The following LYPLAL1 variants were observed in gnomAD, a reference collection of about 807,000 sequenced individuals.
The protein encoded by LYPLAL1 is lysophospholipase like 1, also known as lysophospholipase-like protein 1.
LYPLAL1 carries 23 observed loss-of-function variants against 19.7 expected under a neutral mutation model. The observed-to-expected ratio is 1.17, with a 90% CI of 0.84 to 1.65. LYPLAL1 has a LOEUF of 1.65. Ranked by LOEUF, LYPLAL1 falls within the 40% of genes most tolerant of loss-of-function variation. The probability of loss-of-function intolerance (pLI) is 0.00; values close to 1 mark genes in which losing one functional copy is unlikely to be tolerated. For synonymous variants in LYPLAL1, 119 were observed against 96.3 expected (o/e 1.24, Z -1.38); for missense variants, 355 against 279.4 (o/e 1.27, Z -1.93).
At chr1:219,267,680 A>G in the LYPLAL1 span, among the ~76,000 whole-genome samples, 4 of 152,240 alleles carry the variant, frequency 2.6e-5, no homozygotes, top group South Asian at 8.3e-4. Context: ...CCCATTTTAC[A>G]GATGAGAAAA....
chr1:219,429,702 A>G, the LYPLAL1 span, among the ~76,000 whole-genome samples: 1 of 151,912 alleles, frequency 6.6e-6, no homozygotes, highest in Non-Finnish European at 1.5e-5. Flanking sequence ...TCCCAGGCCT[A>G]TTTTCCCATT....
chr1:219,313,989 C>CA, the LYPLAL1 span, among the ~76,000 whole-genome samples: 1 of 152,188 alleles, frequency 6.6e-6, no homozygotes, highest in Non-Finnish European at 1.5e-5. Flanking sequence ...ACCCTCCACC[C>CA]TCAAGTGGGC....
chr1:219,369,849 G>C, the LYPLAL1 span, among the ~76,000 whole-genome samples: 1 of 152,204 alleles, frequency 6.6e-6, no homozygotes, highest in African/African-American at 2.4e-5. Flanking sequence ...TTTTAAAAGT[G>C]CTTCTGGAGT....
chr1:219,207,782 T>A (rs1362751596), intron 3 of LYPLAL1, among the ~76,000 whole-genome samples: 1 of 152,050 alleles, frequency 6.6e-6, no homozygotes, highest in Non-Finnish European at 1.5e-5. Context: ...TTAATAAAGA[T>A]CCATTTAATA....
At chr1:219,367,314 T>C in the LYPLAL1 span, among the ~76,000 whole-genome samples, 1 of 152,234 alleles carries the variant, frequency 6.6e-6, no homozygotes, top group African/African-American at 2.4e-5. Flanking sequence ...GACGTTGTTC[T>C]CAAAGTTGTT....
chr1:219,397,797 C>A, the LYPLAL1 span, among the ~76,000 whole-genome samples: 2 of 152,228 alleles, frequency 1.3e-5, no homozygotes, highest in East Asian at 3.9e-4. Context: ...GATTTTATTT[C>A]TTCTTTGCTT....
Position 219,210,615 on chromosome 1 carries a change from A to G in LYPLAL1, c.445A>G (p.Ser149Gly), listed in dbSNP as rs1558246774. Residue 149 changes from serine (S) to glycine (G), a missense_variant, in exon 4 of 5, where the codon AGT becomes GGT. Transcript: ENST00000366928. ...TGTGGCAGGAGTATTTGCTCTTTCT[A>G]GTTTTCTGAATAAAGCATCTGCTGT... The part of the protein sequence containing the change: ...QDVAGVFALS[S>G]FLNKASAVYQ... 1 of 1,609,970 alleles carries G rather than the reference A, an allele frequency of 6.2e-7. No individual in the cohort carries two copies. The highest frequency in any genetic ancestry group is 8.5e-7 in the Non-Finnish European group (1 of 1,177,636).
At chr1:219,358,962 C>A in the LYPLAL1 span, among the ~76,000 whole-genome samples, 1 of 151,866 alleles carries the variant, frequency 6.6e-6, no homozygotes, top group Non-Finnish European at 1.5e-5. Flanking sequence ...CCAGTAGTTG[C>A]AAGATGAGGA....
chr1:219,390,464 A>G, the LYPLAL1 span, among the ~76,000 whole-genome samples: 4 of 152,168 alleles, frequency 2.6e-5, 1 homozygote, highest in South Asian at 6.2e-4. Context: ...CAGATTTTCC[A>G]TCTATTCTTC....
chr1:219,188,108 T>C (rs551919180), intron 2 of LYPLAL1, among the ~76,000 whole-genome samples: 39 of 151,964 alleles, frequency 2.6e-4, no homozygotes, highest in Middle Eastern at 6.8e-3. Context: ...AAATGATTAC[T>C]GAAATTTATT....
chr1:219,381,388 G>A, the LYPLAL1 span, among the ~76,000 whole-genome samples: 3 of 152,142 alleles, frequency 2.0e-5, no homozygotes, highest in Non-Finnish European at 4.4e-5. Flanking sequence ...TTAGCAACAT[G>A]AGAATGGACT....
At chr1:219,379,281 C>T in the LYPLAL1 span, among the ~76,000 whole-genome samples, 1 of 152,104 alleles carries the variant, frequency 6.6e-6, no homozygotes. Flanking sequence ...AAAGGCATAA[C>T]CCAAGAATAA....
the LYPLAL1 span, among the ~76,000 whole-genome samples, chr1:219,443,356 A>G: frequency 1.1e-3 from 161 of 152,332 alleles, 1 homozygote; most frequent in African/African-American, 3.5e-3. Flanking sequence ...AGCAATGCCA[A>G]TCATAACCTC....
chr1:219,183,838 G>T (rs1023677386), intron 2 of LYPLAL1, among the ~76,000 whole-genome samples: 1 of 151,772 alleles, frequency 6.6e-6, no homozygotes, highest in East Asian at 1.9e-4. Context: ...GTTGTTGCAC[G>T]TTTGGATCAT....
At chr1:219,396,439 A>G in the LYPLAL1 span, among the ~76,000 whole-genome samples, 2 of 152,160 alleles carry the variant, frequency 1.3e-5, no homozygotes, top group African/African-American at 2.4e-5. Context: ...TTCCATATGA[A>G]TTTTAAAACA....
At chr1:219,238,686 A>G in the LYPLAL1 span, among the ~76,000 whole-genome samples, 1 of 152,154 alleles carries the variant, frequency 6.6e-6, no homozygotes, top group Non-Finnish European at 1.5e-5. Flanking sequence ...TGTTGAGATC[A>G]TCAGAGAAAA....
the LYPLAL1 span, among the ~76,000 whole-genome samples, chr1:219,400,420 T>C: frequency 6.6e-6 from 1 of 151,952 alleles, no homozygotes; most frequent in Admixed American, 6.6e-5. Flanking sequence ...TTCTGTAGCC[T>C]CCAATGCCTG....
At chr1:219,395,347 G>C in the LYPLAL1 span, among the ~76,000 whole-genome samples, 7 of 152,148 alleles carry the variant, frequency 4.6e-5, no homozygotes, top group African/African-American at 1.2e-4. Context: ...TCTTATTGTG[G>C]TTTTGATTTG....
At chr1:219,277,313 C>A in the LYPLAL1 span, among the ~76,000 whole-genome samples, 1 of 151,946 alleles carries the variant, frequency 6.6e-6, no homozygotes, top group Non-Finnish European at 1.5e-5. Context: ...TTCACCCAGA[C>A]CTGAAAATAT....
Sources: gnomAD v4.1 joint callset for allele counts (sites outside exome capture counted in the v4.1 genomes callset) on GRCh38, gnomAD v4.1.1 for gene constraint, MANE v1.5 for transcripts, NCBI Gene and HGNC (gene_info 2026-07-23, HGNC 2026-07-21) for gene names.